MAGI2: variants seen among roughly 807,000 people sequenced by gnomAD.
MAGI2 encodes membrane-associated guanylate kinase, WW and PDZ domain-containing protein 2.
In MAGI2, 35 loss-of-function variants were observed where a neutral mutation model predicts 133.3. The ratio of observed to expected loss-of-function variants is 0.26; its 90% CI spans 0.20 to 0.35. The LOEUF (loss-of-function observed/expected upper bound fraction) is 0.35. Ranked by LOEUF, MAGI2 falls within the 10% of genes least tolerant of loss-of-function variation. The pLI is 1.00. For synonymous variants in MAGI2, 729 were observed against 710.6 expected, an observed-to-expected ratio of 1.03 and a Z score of -0.41; for missense variants, 1,636 against 1,863.4, an observed-to-expected ratio of 0.88 and a Z score of 2.25.
At position 79,043,458 on chromosome 7, in the gene MAGI2, G is replaced by C. The variant is rs968331004; in HGVS notation, c.302-36252C>G. On this transcript the variant is annotated intron_variant, in intron 1 of 21. Coordinates refer to ENST00000354212, the MANE Select transcript of MAGI2 (RefSeq NM_012301.4). ...CTCAGGAGGCTGAGAAAGGAGAATT[G>C]CTTGAATCCGGGAGGTGGAGGTTGC... Among the ~76,000 whole-genome samples the C allele has an allele frequency of 2.8e-5, 4 of 143,996 alleles. No individual in the cohort carries two copies. In the Admixed American group the frequency reaches 3.0e-4, roughly 11 times the overall value. The allele number at this position is 143,996 out of a possible 152,430, so 94.5% of individuals were successfully genotyped here.
At chr7:79,007,896 G>GT (rs138868147) in intron 1 of MAGI2, among the ~76,000 whole-genome samples, 10,594 of 150,042 alleles carry the variant, frequency 0.071, 412 homozygotes, top group Non-Finnish European at 0.087. Flanking sequence ...AGAATGTAGG[G>GT]TTTTTTTTTC....
chr7:78,912,799 CAT>C (rs906164965), intron 2 of MAGI2, among the ~76,000 whole-genome samples: 70 of 136,894 alleles, frequency 5.1e-4, no homozygotes, highest in Admixed American at 3.5e-3. Flanking sequence ...ATATATCATT[CAT>C]ATATATATAT....
chr7:78,281,937 C>T (rs1417497724), intron 9 of MAGI2, among the ~76,000 whole-genome samples: 1 of 150,806 alleles, frequency 6.6e-6, no homozygotes, highest in Non-Finnish European at 1.5e-5. Context: ...ATATTTCTCC[C>T]ATTCACTTTC....
Position 78,582,465 on chromosome 7 carries a change from T to C in MAGI2, c.538+44655A>G, listed in dbSNP as rs565365302. Among the ~76,000 whole-genome samples, 3 of 152,328 alleles carry C rather than the reference T, an allele frequency of 2.0e-5. No individual in the cohort carries two copies. The East Asian group carries it at 5.8e-4, about 29-fold the overall frequency. On this transcript the variant is annotated intron_variant, in intron 3 of 21. Transcript: ENST00000354212. Reference sequence around the variant, plus strand: ...GCATACTTTGGAAATGAAATGTTTATGGAAGTGATATATGTGATTTCCAGG... The same window carrying C: ...GCATACTTTGGAAATGAAATGTTTACGGAAGTGATATATGTGATTTCCAGG...
intron 1 of MAGI2, among the ~76,000 whole-genome samples, chr7:79,198,470 G>A (rs944045813): frequency 6.6e-6 from 1 of 151,780 alleles, no homozygotes; most frequent in Non-Finnish European, 1.5e-5. Flanking sequence ...TCATTTGCTT[G>A]TCACCTTGGC....
chr7:78,228,254 T>C (rs12531732), intron 10 of MAGI2, among the ~76,000 whole-genome samples: 24,682 of 152,276 alleles, frequency 0.16, 2,561 homozygotes, highest in Middle Eastern at 0.27. Context: ...GGTTTGCTGA[T>C]CTCTGACCTA....
chr7:79,340,912 G>A (rs1329581985), intron 1 of MAGI2, among the ~76,000 whole-genome samples: 4 of 152,110 alleles, frequency 2.6e-5, no homozygotes, highest in African/African-American at 9.7e-5. Flanking sequence ...TCCTGGAGAA[G>A]CTCTTAGCCA....
At chr7:78,639,420 G>A (rs1810038640) in intron 2 of MAGI2, among the ~76,000 whole-genome samples, 4 of 152,124 alleles carry the variant, frequency 2.6e-5, no homozygotes, top group Admixed American at 2.6e-4. Context: ...AGAGAGGGAG[G>A]AGTGAAATAT....
intron 2 of MAGI2, among the ~76,000 whole-genome samples, chr7:78,923,014 T>C (rs1464279344): frequency 6.6e-6 from 1 of 152,212 alleles, no homozygotes; most frequent in African/African-American, 2.4e-5. Context: ...TCTGTTCATA[T>C]CCTTTGCCTA....
At chr7:78,622,863 T>G (rs1218367258) in intron 3 of MAGI2, among the ~76,000 whole-genome samples, 1 of 152,002 alleles carries the variant, frequency 6.6e-6, no homozygotes, top group Non-Finnish European at 1.5e-5. Context: ...TTGATACAAT[T>G]GTCAAAGTCT....
rs114253526 is a variant in MAGI2, at chr7:78,525,836, C to T, written c.539-4191G>A. Among the ~76,000 whole-genome samples the T allele has an allele frequency of 9.6e-3, 1,466 of 152,308 alleles. 27 individuals are homozygous for T. Among genetic ancestry groups the T allele is most frequent in the African/African-American group, 0.034 (1,409 of 41,562 alleles). On this transcript the variant is annotated intron_variant, in intron 3 of 21. Coordinates refer to ENST00000354212, the MANE Select transcript of MAGI2 (RefSeq NM_012301.4). ...GTTATTACCACTATGACTGCTACAACGTGCTAACCTGCACACCGTCATGGG... is the reference window on the plus strand; with the variant it reads ...GTTATTACCACTATGACTGCTACAATGTGCTAACCTGCACACCGTCATGGG...
chr7:78,734,024 C>T (rs544665731), intron 2 of MAGI2, among the ~76,000 whole-genome samples: 1 of 152,100 alleles, frequency 6.6e-6, no homozygotes, highest in African/African-American at 2.4e-5. Flanking sequence ...GTAAACATAA[C>T]AACTATATGG....
intron 9 of MAGI2, among the ~76,000 whole-genome samples, chr7:78,280,364 C>T (rs1795445729): frequency 6.6e-6 from 1 of 151,996 alleles, no homozygotes; most frequent in African/African-American, 2.4e-5. Flanking sequence ...GAGTTAAAGC[C>T]AGGAAAGGAC....
intron 2 of MAGI2, among the ~76,000 whole-genome samples, chr7:78,682,275 C>T (rs1230993963): frequency 6.6e-6 from 1 of 152,016 alleles, no homozygotes; most frequent in Non-Finnish European, 1.5e-5. Context: ...GTAGGATGTG[C>T]AGATTTGTTA....
chr7:78,943,051 T>C (rs1801116310), intron 2 of MAGI2, among the ~76,000 whole-genome samples: 1 of 152,090 alleles, frequency 6.6e-6, no homozygotes, highest in Non-Finnish European at 1.5e-5. Context: ...TGAATAAGCA[T>C]GGGCATGCTA....
intron 2 of MAGI2, among the ~76,000 whole-genome samples, chr7:78,644,901 T>C (rs967810608): frequency 6.6e-6 from 1 of 152,152 alleles, no homozygotes; most frequent in African/African-American, 2.4e-5. Flanking sequence ...AGAGGGAATA[T>C]ACAAATTATC....
At chr7:78,980,761 G>C (rs867891243) in intron 2 of MAGI2, among the ~76,000 whole-genome samples, 17 of 151,518 alleles carry the variant, frequency 1.1e-4, no homozygotes, top group Admixed American at 9.9e-4. Context: ...TTCCTTCTTG[G>C]TTCAGTTTCG....
At position 78,309,998 on chromosome 7, in the gene MAGI2, C is replaced by G. The variant is rs552640515; in HGVS notation, c.1408+33780G>C. 1.3e-5 allele frequency among the ~76,000 whole-genome samples: 2 copies of G among 152,124 alleles called. 1 individual carries two copies. The highest frequency in any genetic ancestry group is 4.1e-4 in the South Asian group (2 of 4,828). Reference sequence around the variant, plus strand: ...GCAACATTGGCCCTTTTGTATGATACCTAGGGTTTGTGGCAGCATTTGTAT... The same window carrying G: ...GCAACATTGGCCCTTTTGTATGATAGCTAGGGTTTGTGGCAGCATTTGTAT... On this transcript the variant is annotated intron_variant, in intron 9 of 21. Transcript: ENST00000354212.
intron 2 of MAGI2, among the ~76,000 whole-genome samples, chr7:78,850,007 TAATA>T (rs1298273201): frequency 6.6e-6 from 1 of 152,216 alleles, no homozygotes; most frequent in Non-Finnish European, 1.5e-5. Flanking sequence ...CTGGAGTAGG[TAATA>T]AATAGTTGCT....
Sources: allele counts gnomAD v4.1 joint callset (sites outside exome capture counted in the v4.1 genomes callset), GRCh38; gene constraint gnomAD v4.1.1; transcripts MANE v1.5; gene names NCBI Gene and HGNC (gene_info 2026-07-23, HGNC 2026-07-21).